CMSS1: variants seen among roughly 807,000 people sequenced by gnomAD.
The protein encoded by CMSS1 is cms1 ribosomal small subunit homolog, also known as protein CMSS1.
A neutral mutation model predicts 43.5 loss-of-function variants in CMSS1; 33 were observed. That is an observed-to-expected ratio of 0.76 (90% CI 0.57 to 1.01). The LOEUF (loss-of-function observed/expected upper bound fraction) is 1.01. CMSS1 is among the 50% of genes least tolerant of loss of function. The pLI, the probability that CMSS1 is intolerant of heterozygous loss-of-function variation, is 0.00. For missense variants in CMSS1, 313 were observed against 326.4 expected (o/e 0.96, Z 0.32); for synonymous variants, 115 against 117.2 (o/e 0.98, Z 0.12).
chr3:99,950,436 T>TA (rs1708141917), intron 1 of CMSS1, among the ~76,000 whole-genome samples: 1 of 152,228 alleles, frequency 6.6e-6, no homozygotes, highest in Non-Finnish European at 1.5e-5. Context: ...ACAAAGTTAA[T>TA]AAGTGGCAGG....
intron 1 of CMSS1, among the ~76,000 whole-genome samples, chr3:100,137,564 C>CT (rs202163215): frequency 0.029 from 4,197 of 142,492 alleles, 139 homozygotes; most frequent in African/African-American, 0.084. Flanking sequence ...AAGCATGTAA[C>CT]TTTTTTTTTT....
chr3:99,835,522 G>T (rs577213874), intron 1 of CMSS1, among the ~76,000 whole-genome samples: 21 of 152,300 alleles, frequency 1.4e-4, no homozygotes, highest in Admixed American at 1.2e-3. Context: ...TAAGTCCTGG[G>T]TAGAATAGGA....
rs536493952 is a variant in CMSS1 at position 100,154,058 on chromosome 3, G to A, written c.154-6372G>A. Among the ~76,000 whole-genome samples, 5 of 151,874 alleles carry A rather than the reference G, an allele frequency of 3.3e-5. No individual in the cohort carries two copies. In the South Asian group the frequency reaches 1.0e-3, roughly 32 times the overall value. ...AGAGACGGGGTTTCACCTTGTTGGC[G>A]AGGCTGATCTTGAACTCCTGACCTC... On this transcript the variant is annotated intron_variant, in intron 2 of 9. Transcript: ENST00000421999.
At chr3:99,936,041 TTACTC>T (rs1197043839) in intron 1 of CMSS1, among the ~76,000 whole-genome samples, 41 of 152,164 alleles carry the variant, frequency 2.7e-4, no homozygotes, top group East Asian at 3.8e-4. Context: ...ATATTAAAAA[TTACTC>T]TACATAGTTA....
intron 8 of CMSS1, among the ~76,000 whole-genome samples, chr3:100,173,858 T>TACCA (rs2067128726): frequency 6.6e-6 from 1 of 152,194 alleles, no homozygotes; most frequent in Admixed American, 6.5e-5. Context: ...TCTAGCAACT[T>TACCA]ACCAGCTCTG....
intron 1 of CMSS1, among the ~76,000 whole-genome samples, chr3:100,139,413 G>T (rs1368372480): frequency 6.7e-6 from 1 of 149,278 alleles, no homozygotes; most frequent in Non-Finnish European, 1.5e-5. Context: ...CAGGCATGGT[G>T]GCTCACACCT....
intron 1 of CMSS1, among the ~76,000 whole-genome samples, chr3:100,064,749 C>G (rs1317925406): frequency 1.3e-5 from 2 of 152,148 alleles, no homozygotes; most frequent in Non-Finnish European, 2.9e-5. Context: ...TAAGAACATT[C>G]TAATAAGTTC....
intron 1 of CMSS1, among the ~76,000 whole-genome samples, chr3:100,022,915 G>A (rs2064851896): frequency 6.6e-6 from 1 of 152,122 alleles, no homozygotes; most frequent in South Asian, 2.1e-4. Flanking sequence ...CACTACATTT[G>A]GCTGAAGATC....
intron 1 of CMSS1, among the ~76,000 whole-genome samples, chr3:100,063,759 A>C: frequency 6.6e-6 from 1 of 152,234 alleles, no homozygotes; most frequent in East Asian, 1.9e-4. Context: ...ATAAAATTTC[A>C]TATCAAAACT....
At chr3:99,999,459 A>C (rs1391550195) in intron 1 of CMSS1, among the ~76,000 whole-genome samples, 1 of 152,214 alleles carries the variant, frequency 6.6e-6, no homozygotes, top group Non-Finnish European at 1.5e-5. Context: ...ACTGCCTAAA[A>C]TTGTTTAGTA....
At chr3:100,159,919 A>G (rs1157104967) in intron 2 of CMSS1, 1 of 456,682 alleles carries the variant, frequency 2.2e-6, no homozygotes, top group South Asian at 1.5e-5. Flanking sequence ...ATAAAAACGT[A>G]AGTTAATATA....
chr3:99,860,431 T>C (rs1217230013), intron 1 of CMSS1, among the ~76,000 whole-genome samples: 2 of 152,064 alleles, frequency 1.3e-5, no homozygotes, highest in African/African-American at 4.8e-5. Context: ...AATCCTCAAA[T>C]TGAGCACAAG....
chr3:99,899,471 TTAA>T (rs1198124882), intron 1 of CMSS1, among the ~76,000 whole-genome samples: 4 of 152,244 alleles, frequency 2.6e-5, no homozygotes, highest in Admixed American at 6.5e-5. Context: ...ATGAATTATA[TTAA>T]TGACACAACT....
chr3:99,917,877 A>C (rs945198524), intron 1 of CMSS1, among the ~76,000 whole-genome samples: 1 of 152,230 alleles, frequency 6.6e-6, no homozygotes, highest in Non-Finnish European at 1.5e-5. Flanking sequence ...GGTAAAAGGT[A>C]CTTGTTCATG....
intron 1 of CMSS1, among the ~76,000 whole-genome samples, chr3:100,134,195 T>G (rs1277471648): frequency 6.6e-6 from 1 of 152,152 alleles, no homozygotes; most frequent in Non-Finnish European, 1.5e-5. Context: ...CCTATTTTTT[T>G]TTAATGTTAC....
At chr3:100,136,602 C>T (rs1355522354) in intron 1 of CMSS1, among the ~76,000 whole-genome samples, 1 of 152,204 alleles carries the variant, frequency 6.6e-6, no homozygotes, top group East Asian at 1.9e-4. Flanking sequence ...ACATTATCCC[C>T]TAAGACAGTC....
chr3:100,117,874 T>TACAC (rs2066588935), intron 1 of CMSS1, among the ~76,000 whole-genome samples: 2 of 130,054 alleles, frequency 1.5e-5, no homozygotes, highest in African/African-American at 6.1e-5. Context: ...TATATATATA[T>TACAC]ATATACACAT....
At chr3:99,924,417 G>T (rs748497512) in intron 1 of CMSS1, 2 of 1,612,968 alleles carry the variant, frequency 1.2e-6, no homozygotes, top group South Asian at 1.1e-5. Context: ...AACTACGAAA[G>T]AAAACATTTA....
chr3:99,956,888 C>T (rs916467296), intron 1 of CMSS1, among the ~76,000 whole-genome samples: 7 of 152,110 alleles, frequency 4.6e-5, no homozygotes, highest in African/African-American at 1.2e-4. Context: ...TTCCCACCCC[C>T]GACTTACAGT....
Sources: gnomAD v4.1 joint callset for allele counts (sites outside exome capture counted in the v4.1 genomes callset) on GRCh38, gnomAD v4.1.1 for gene constraint, MANE v1.5 for transcripts, NCBI Gene and HGNC (gene_info 2026-07-23, HGNC 2026-07-21) for gene names.